The following ELP1 variants were observed in gnomAD, a reference collection of about 807,000 sequenced individuals.
ELP1 encodes the protein elongator acetyltransferase complex subunit 1.
Under a neutral mutation model 183.2 loss-of-function variants are expected in ELP1, and 131 were observed. The ratio of observed to expected loss-of-function variants is 0.72; its 90% CI spans 0.62 to 0.83. The LOEUF (loss-of-function observed/expected upper bound fraction) is 0.83. Among genes scored for constraint, ELP1 ranks in the 40% least tolerant of loss-of-function variants. The pLI is 0.00. For synonymous variants in ELP1, 555 were observed against 569.0 expected (o/e 0.98, Z 0.35); for missense variants, 1,550 against 1,594.9 (o/e 0.97, Z 0.48).
At chr9:108,891,497 C>T (rs1234810053) in intron 27 of ELP1, 93 bp from the exon 28 acceptor site, 14 of 1,166,026 alleles carry the variant, frequency 1.2e-5, no homozygotes, top group Non-Finnish European at 1.8e-5. Context: ...ATACTTGGAA[C>T]TCCCTTGAAA....
Position 108,927,448 on chromosome 9 carries a change from C to T in ELP1, c.309G>A (p.Glu103=). Residue 103 remains glutamate, a synonymous_variant, in exon 4 of 37, where the codon GAG becomes GAA. Coordinates refer to ENST00000374647, the MANE Select transcript of ELP1 (RefSeq NM_003640.5). Reference sequence around the variant, plus strand: ...TACCACTGGCTACACTCCCAACACACTCCAGCTGAGACAGAGAAAATTGAA... The same window carrying T: ...TACCACTGGCTACACTCCCAACACATTCCAGCTGAGACAGAGAAAATTGAA... ...ILCSLSTQQL[E]CVGSVASGIS... is the part of the protein sequence containing the mutation. 6.2e-7 allele frequency: 1 copy of T among 1,613,314 alleles called. No homozygotes were observed. The highest frequency in any genetic ancestry group is 8.5e-7 in the Non-Finnish European group (1 of 1,179,320).
intron 10 of ELP1, among the ~76,000 whole-genome samples, chr9:108,915,920 A>ATG (rs1333562405): frequency 6.6e-6 from 1 of 152,080 alleles, no homozygotes; most frequent in Non-Finnish European, 1.5e-5. Flanking sequence ...GGACTTGACC[A>ATG]TGTGTGGATT....
intron 2 of ELP1, among the ~76,000 whole-genome samples, chr9:108,930,786 T>C (rs1829977517): frequency 6.6e-6 from 1 of 152,052 alleles, no homozygotes; most frequent in South Asian, 2.1e-4. Flanking sequence ...AGGTCAGAGT[T>C]CTACTGACTT....
chr9:108,916,752 T>A (rs1179711823), intron 9 of ELP1, among the ~76,000 whole-genome samples: 1 of 152,208 alleles, frequency 6.6e-6, no homozygotes, highest in Non-Finnish European at 1.5e-5. Flanking sequence ...GCCAAAGAGT[T>A]GCGGACCGAT....
rs1194101760 is a variant in ELP1, at chr9:108,908,404, C to A, written c.1361G>T (p.Gly454Val). 2 of 1,612,416 alleles carry A rather than the reference C, an allele frequency of 1.2e-6. No individual in the cohort carries two copies. Among genetic ancestry groups the A allele is most frequent in the Admixed American group, 1.7e-5 (1 of 59,976 alleles). The change falls in exon 13 of 37, where the codon GGT becomes GTT. Residue 454 changes from glycine (G) to valine (V), a missense_variant and splice_region_variant. Transcript: ENST00000374647. ...TGTAGGGTCAGCACTTGGACAATCA[C>A]CTGGAAAACAAAAATGCAAATATTA... ...ASNQISVYKC[G>V]DCPSADPTVK...
Position 108,908,337 on chromosome 9 carries a change from G to A in ELP1, c.1428C>T (p.Cys476=). 1.2e-6 allele frequency: 2 copies of A among 1,613,976 alleles called. No individual in the cohort carries two copies. Among genetic ancestry groups the A allele is most frequent in the South Asian group, 1.1e-5 (1 of 91,068 alleles). The change falls in exon 13 of 37, where the codon TGC becomes TGT. Residue 476 remains cysteine, a synonymous_variant. Transcript: ENST00000374647. Reference sequence around the variant, plus strand: ...TCTTTTCCAAATGAGGAGTTCTAAGGCAAACTTTAAATCCACTTCCACCCA... The same window carrying A: ...TCTTTTCCAAATGAGGAGTTCTAAGACAAACTTTAAATCCACTTCCACCCA... ...GAVGGSGFKV[C]LRTPHLEKRY...
In ELP1 at chr9:108,916,266, G is replaced by C. The variant is rs1488895662; in HGVS notation, c.896C>G (p.Ser299Cys). The change falls in exon 10 of 37, where the codon TCT (serine) becomes TGT (cysteine). Residue 299 changes from serine (S) to cysteine (C), a missense_variant. Coordinates refer to ENST00000374647, the MANE Select transcript of ELP1 (RefSeq NM_003640.5). ...GTCTTCCAGCCAGACTGCAAGCACA[G>C]AGGAATCTGCATTCCAGAGCAAGTC... ...VNDLLWNADS[S>C]VLAVWLEDLQ... The C allele has an allele frequency of 6.2e-7, 1 of 1,614,130 alleles. No homozygotes were observed. Among genetic ancestry groups the C allele is most frequent in the Non-Finnish European group, 8.5e-7 (1 of 1,179,974 alleles).
At chr9:108,896,700 G>T in intron 24 of ELP1, 56 bp from the exon 25 acceptor site, 2 of 1,534,036 alleles carry the variant, frequency 1.3e-6, no homozygotes, top group African/African-American at 1.4e-5. Flanking sequence ...AAAATCCACA[G>T]ACCTAACAAC....
rs74307976 is a variant in ELP1, at chr9:108,916,919, A to G, written c.865-622T>C. ...CAGCAAGAATCTTAATGGTATACAA[A>G]CCACTTAAGATTTAAATGTTATAAA... On this transcript the variant is annotated intron_variant, in intron 9 of 36. Transcript: ENST00000374647. Among the ~76,000 whole-genome samples, 12 of 152,324 alleles carry G rather than the reference A, an allele frequency of 7.9e-5. No individual in the cohort carries two copies. The East Asian group carries it at 2.3e-3, about 29-fold the overall frequency.
In ELP1 at chr9:108,921,582, T is replaced by C. The variant is rs1829648224; in HGVS notation, c.552+1260A>G. On this transcript the variant is annotated intron_variant, in intron 6 of 36. Transcript: ENST00000374647. ...TTAGTCAAGGATACCTTTTAAGTCC[T>C]GCCAAAAAAAAAAAAAATCACTTAA... 3.2e-5 allele frequency among the ~76,000 whole-genome samples: 4 copies of C among 124,234 alleles called. No homozygotes were observed. In the South Asian group the frequency reaches 7.2e-4, roughly 22 times the overall value. 81.5% of individuals were successfully genotyped at this position (124,234 alleles called of 152,430 possible).
intron 36 of ELP1, among the ~76,000 whole-genome samples, chr9:108,869,656 A>C (rs1421221145): frequency 6.6e-6 from 1 of 152,002 alleles, no homozygotes; most frequent in East Asian, 1.9e-4. Flanking sequence ...CATGTTGATC[A>C]ATAAAGATGC....
chr9:108,878,754 T>C lies in ELP1; in HGVS notation c.3573-4A>G. ...TCGGCGATTCTTGGATGATCTCCTG[T>C]TAGAAATTACACAGATATTTTTAAG... is the stretch of plus-strand genomic sequence containing the variant. On this transcript the variant is annotated splice_region_variant and splice_polypyrimidine_tract_variant and intron_variant, in intron 33 of 36. Coordinates refer to ENST00000374647, the MANE Select transcript of ELP1 (RefSeq NM_003640.5). 2 of 1,613,890 alleles carry C rather than the reference T, an allele frequency of 1.2e-6. No homozygotes were observed. Among genetic ancestry groups the C allele is most frequent in the Non-Finnish European group, 1.7e-6 (2 of 1,179,992 alleles).
chr9:108,930,845 T>C, intron 2 of ELP1, 152 bp downstream of exon 2: 1 of 752,096 alleles, frequency 1.3e-6, no homozygotes. Context: ...TTAAGCTATG[T>C]CTAACATGGC....
At chr9:108,873,327 T>C (rs1827559323) in intron 36 of ELP1, among the ~76,000 whole-genome samples, 1 of 152,356 alleles carries the variant, frequency 6.6e-6, no homozygotes. Context: ...TGTGCCAATA[T>C]ACTTAACTAT....
intron 20 of ELP1, among the ~76,000 whole-genome samples, 189 bp from the exon 21 acceptor site, chr9:108,898,938 TA>T (rs2131985615): frequency 6.6e-6 from 1 of 152,302 alleles, no homozygotes; most frequent in South Asian, 2.1e-4. Flanking sequence ...TTTACCTTCT[TA>T]AAAGGTGTAA....
rs554887133 is a variant in ELP1, at chr9:108,915,859, T to C, written c.958+345A>G. ...GTACTTGAGGAATGCAAAACCCAAG[T>C]ATACAAAAGGCTGACTTTTCATATC... On this transcript the variant is annotated intron_variant, in intron 10 of 36. Transcript: ENST00000374647. Among the ~76,000 whole-genome samples, 15 of 152,194 alleles carry C rather than the reference T, an allele frequency of 9.9e-5. No individual in the cohort carries two copies. The South Asian group carries it at 2.5e-3, about 25-fold the overall frequency.
At chr9:108,926,493 T>A in intron 5 of ELP1, 30 bp downstream of exon 5, 1 of 1,551,854 alleles carries the variant, frequency 6.4e-7, no homozygotes, top group African/African-American at 1.4e-5. Flanking sequence ...GAAACGTAGG[T>A]CACAAAATAT....
At position 108,896,583 on chromosome 9, in the gene ELP1, A is replaced by C; in HGVS notation, c.2649T>G (p.His883Gln). 1.1e-5 allele frequency: 17 copies of C among 1,613,752 alleles called. No homozygotes were observed. Among genetic ancestry groups the C allele is most frequent in the Non-Finnish European group, 1.4e-5 (17 of 1,179,628 alleles). The change falls in exon 25 of 37, where the codon CAT becomes CAG. Residue 883 changes from histidine (H) to glutamine (Q), a missense_variant. His to Gln is a conservative substitution (Grantham distance 24). Transcript: ENST00000374647. ...CATATAATTCATTAACATCTACCAG[A>C]TGCAGCAAATATTTCAAGGCCTCTT... is the stretch of plus-strand genomic sequence containing the variant. ...SAEEALKYLLHLVDVNELYDH... is the reference protein window; with the variant it reads ...SAEEALKYLLQLVDVNELYDH...
At chr9:108,892,148 C>G (rs1251831958) in intron 27 of ELP1, among the ~76,000 whole-genome samples, 2 of 152,192 alleles carry the variant, frequency 1.3e-5, no homozygotes, top group African/African-American at 4.8e-5. Context: ...TTGACAAATG[C>G]AATCACCAAG....
Sources: gnomAD v4.1 joint callset for allele counts (sites outside exome capture counted in the v4.1 genomes callset) on GRCh38, gnomAD v4.1.1 for gene constraint, MANE v1.5 for transcripts, NCBI Gene and HGNC (gene_info 2026-07-23, HGNC 2026-07-21) for gene names.